SLC14A2: variants seen among roughly 807,000 people sequenced by gnomAD.
The protein encoded by SLC14A2 is urea transporter 2.
Under a neutral mutation model 104.6 loss-of-function variants are expected in SLC14A2, and 91 were observed. The ratio of observed to expected loss-of-function variants is 0.87; its 90% confidence interval spans 0.73 to 1.04. SLC14A2 has a LOEUF of 1.04. Ranked by LOEUF, SLC14A2 falls within the 50% of genes least tolerant of loss-of-function variation. The pLI is 0.00. For synonymous variants in SLC14A2, 476 were observed against 466.4 expected (o/e 1.02, Z -0.27); for missense variants, 1,189 against 1,156.0 (o/e 1.03, Z -0.41).
intron 1 of SLC14A2, among the ~76,000 whole-genome samples, chr18:45,314,943 C>T (rs188772860): frequency 6.6e-6 from 1 of 152,318 alleles, no homozygotes; most frequent in African/African-American, 2.4e-5. Context: ...CAGAAGCAAA[C>T]CTCATGTTAG....
intron 10 of SLC14A2, among the ~76,000 whole-genome samples, chr18:45,654,070 G>T (rs1013972500): frequency 2.0e-5 from 3 of 152,060 alleles, no homozygotes; most frequent in African/African-American, 4.8e-5. Context: ...ACCAGGTCGG[G>T]GGAACCATGG....
At chr18:45,567,084 G>GTGTA (rs200428222) in intron 2 of SLC14A2, among the ~76,000 whole-genome samples, 5,742 of 150,404 alleles carry the variant, frequency 0.038, 150 homozygotes, top group Non-Finnish European at 0.06. Context: ...GTGTGTGTGT[G>GTGTA]TGTGTGTGTG....
chr18:45,584,917 G>A (rs546698896), intron 2 of SLC14A2, among the ~76,000 whole-genome samples: 6 of 152,278 alleles, frequency 3.9e-5, no homozygotes, highest in South Asian at 4.1e-4. Context: ...GGAGATTCAC[G>A]GAATATGAAT....
At chr18:45,311,501 G>T (rs1487434696) in intron 1 of SLC14A2, among the ~76,000 whole-genome samples, 1 of 152,144 alleles carries the variant, frequency 6.6e-6, no homozygotes, top group African/African-American at 2.4e-5. Context: ...TATGATCTGG[G>T]CTCCTGACCA....
At chr18:45,621,924 T>C (rs2045176981) in intron 1 of SLC14A2, among the ~76,000 whole-genome samples, 1 of 152,082 alleles carries the variant, frequency 6.6e-6, no homozygotes, top group Non-Finnish European at 1.5e-5. Context: ...AACCAGCACT[T>C]GCAGAGGCCC....
chr18:45,569,209 C>A (rs543759946), intron 2 of SLC14A2, among the ~76,000 whole-genome samples: 1 of 152,310 alleles, frequency 6.6e-6, no homozygotes, highest in South Asian at 2.1e-4. Flanking sequence ...TTATTTCTAT[C>A]TTCACCCATC....
At position 45,637,021 on chromosome 18, in the gene SLC14A2, T is replaced by C. The variant is rs2045427345; in HGVS notation, c.682T>C (p.Phe228Leu). 3.1e-6 allele frequency: 5 copies of C among 1,614,192 alleles called. No individual in the cohort carries two copies. The highest frequency in any genetic ancestry group is 1.7e-5 in the Admixed American group (1 of 60,020). ...PVLSSALNSI[F>L]SKWDLPVFTL... is the part of the protein sequence containing the mutation. ...TCTTTCTAGTGCCTTGAATTCCATC[T>C]TCAGCAAGTGGGACCTCCCGGTCTT... Residue 228 changes from phenylalanine (F) to leucine (L), a missense_variant, in exon 6 of 20, where the codon TTC becomes CTC. Transcript: ENST00000255226.
chr18:45,656,626 T>C (rs972789705), intron 10 of SLC14A2, among the ~76,000 whole-genome samples: 2 of 152,134 alleles, frequency 1.3e-5, no homozygotes, highest in African/African-American at 4.8e-5. Context: ...GCAAAGTCAT[T>C]CTGGAGAAAA....
At chr18:45,535,790 A>G (rs1474128375) in intron 2 of SLC14A2, among the ~76,000 whole-genome samples, 1 of 152,230 alleles carries the variant, frequency 6.6e-6, no homozygotes. Context: ...AAAAGGAAAG[A>G]AGTGAACCAG....
At chr18:45,488,100 A>G (rs1043154237) in intron 2 of SLC14A2, among the ~76,000 whole-genome samples, 1 of 152,192 alleles carries the variant, frequency 6.6e-6, no homozygotes, top group African/African-American at 2.4e-5. Context: ...AGGAATCAGA[A>G]GGAAAATAGT....
rs562855476 is a variant in SLC14A2, at chr18:45,213,602, A to T, written c.-125+411A>T. Among the ~76,000 whole-genome samples, 3 of 152,322 alleles carry T rather than the reference A, an allele frequency of 2.0e-5. No individual in the cohort carries two copies. The South Asian group carries it at 6.2e-4, about 32-fold the overall frequency. On this transcript the variant is annotated intron_variant, in intron 1 of 20. Transcript: ENST00000586448. ...ATTAGTTTTGTAAGTTCTTTATCCC[A>T]TTCAAAACGTTAAAGGTGACTGAGT... is the stretch of plus-strand genomic sequence containing the variant.
chr18:45,663,084 T>G (rs2045959139), intron 10 of SLC14A2, among the ~76,000 whole-genome samples: 1 of 152,166 alleles, frequency 6.6e-6, no homozygotes, highest in South Asian at 2.1e-4. Context: ...CACTCCTAGC[T>G]CCCCATAAAT....
chr18:45,207,593 C>G, the SLC14A2 span, among the ~76,000 whole-genome samples: 1 of 152,216 alleles, frequency 6.6e-6, no homozygotes, highest in South Asian at 2.1e-4. Context: ...AGTCATAATA[C>G]TTAACTGGGT....
At chr18:45,375,198 T>A (rs550767879) in intron 1 of SLC14A2, among the ~76,000 whole-genome samples, 15 of 152,150 alleles carry the variant, frequency 9.9e-5, no homozygotes, top group Non-Finnish European at 1.5e-4. Flanking sequence ...AAAATAAACC[T>A]CCTTCTTGCC....
chr18:45,431,878 A>G (rs2086520973), intron 1 of SLC14A2, among the ~76,000 whole-genome samples: 1 of 152,228 alleles, frequency 6.6e-6, no homozygotes, highest in Non-Finnish European at 1.5e-5. Flanking sequence ...GAGGAGAGGA[A>G]GAAACAAACT....
In SLC14A2 at chr18:45,672,974, C is replaced by T. The variant is rs1193550054; in HGVS notation, c.2304C>T (p.Leu768=). The part of the protein sequence containing the change: ...CDNPWTGGIF[L]IALFISSPLI... ...ACCCCTGGACTGGAGGCATCTTCCT[C>T]ATAGCTCTGTTCATATCCTCACCTC... is the stretch of plus-strand genomic sequence containing the variant. The change falls in exon 17 of 20, where the codon CTC becomes CTT. Residue 768 remains leucine, a synonymous_variant. Transcript: ENST00000255226. The T allele has an allele frequency of 1.2e-6, 2 of 1,614,016 alleles. No homozygotes were observed. Among genetic ancestry groups the T allele is most frequent in the Non-Finnish European group, 1.7e-6 (2 of 1,179,978 alleles).
intron 2 of SLC14A2, among the ~76,000 whole-genome samples, chr18:45,568,894 G>C (rs997076452): frequency 6.6e-6 from 1 of 152,228 alleles, no homozygotes; most frequent in South Asian, 2.1e-4. Context: ...GCTATGGATA[G>C]TTATGTTTTG....
chr18:45,303,134 T>C (rs2084984564), intron 1 of SLC14A2, among the ~76,000 whole-genome samples: 1 of 152,170 alleles, frequency 6.6e-6, no homozygotes, highest in African/African-American at 2.4e-5. Flanking sequence ...TCACAGCAGA[T>C]TCACAGAGAC....
chr18:45,670,550 C>A (rs943109788), intron 16 of SLC14A2, among the ~76,000 whole-genome samples: 1 of 152,158 alleles, frequency 6.6e-6, no homozygotes, highest in African/African-American at 2.4e-5. Context: ...AATAATGATG[C>A]CTCGTTTCTC....
Sources: gnomAD v4.1 joint callset for allele counts (sites outside exome capture counted in the v4.1 genomes callset) on GRCh38, gnomAD v4.1.1 for gene constraint, MANE v1.5 for transcripts, NCBI Gene and HGNC (gene_info 2026-07-23, HGNC 2026-07-21) for gene names.